MTMR9: variants seen among roughly 807,000 people sequenced by gnomAD.
MTMR9 encodes myotubularin related protein 9.
Under a neutral mutation model 69.5 loss-of-function variants are expected in MTMR9, and 39 were observed. That is an observed-to-expected ratio of 0.56 (90% confidence interval 0.43 to 0.73). The LOEUF is 0.73. Ranked by LOEUF, MTMR9 falls within the 30% of genes least tolerant of loss-of-function variation. The pLI is 0.00. For synonymous variants in MTMR9, 354 were observed against 240.8 expected, an observed-to-expected ratio of 1.47 and a Z score of -4.35; for missense variants, 900 against 671.2, an observed-to-expected ratio of 1.34 and a Z score of -3.77.
Position 11,323,031 on chromosome 8 carries a change from T to C in MTMR9, c.*243T>C, listed in dbSNP as rs1800766818. 3.1e-6 allele frequency: 1 copy of C among 322,770 alleles called. No homozygotes were observed. Among genetic ancestry groups the C allele is most frequent in the African/African-American group, 2.1e-5 (1 of 46,578 alleles). The allele number at this position is 322,770 out of a possible 1,614,324, so 20.0% of individuals were successfully genotyped here. ...CCGGAAGGAGGTGCTAGTCATTTTA[T>C]TTTTACGTGAAATAGATGACCTATT... On this transcript the variant is annotated 3_prime_UTR_variant, in exon 10 of 10. Transcript: ENST00000221086.
chr8:11,324,028 G>A lies in MTMR9; in HGVS notation c.*1240G>A, dbSNP rs929584157. ...TATTTCCCACCTACATTTCTGTTTG[G>A]TGACATTGCTCATTTTAACAAATAT... On this transcript the variant is annotated 3_prime_UTR_variant, in exon 10 of 10. Transcript: ENST00000221086. 6 of 152,106 alleles carry A rather than the reference G, an allele frequency of 3.9e-5. No homozygotes were observed. The East Asian group carries it at 9.6e-4, about 24-fold the overall frequency. 9.4% of individuals were successfully genotyped at this position (152,106 alleles called of 1,614,324 possible).
chr8:11,316,190 C>G (rs1800406319), intron 7 of MTMR9: 1 of 152,242 alleles, frequency 6.6e-6, no homozygotes, highest in Non-Finnish European at 1.5e-5. Flanking sequence ...TAGAGATTTA[C>G]TATCAGAGCT....
rs978931360 is a variant in MTMR9, at chr8:11,328,139, A to C, written c.*5351A>C. 1 of 146,366 alleles carries C rather than the reference A, an allele frequency of 6.8e-6. No homozygotes were observed. Among genetic ancestry groups the C allele is most frequent in the African/African-American group, 2.5e-5 (1 of 39,304 alleles). The allele number at this position is 146,366 out of a possible 1,614,324, so 9.1% of individuals were successfully genotyped here. On this transcript the variant is annotated 3_prime_UTR_variant, in exon 10 of 10. Coordinates refer to ENST00000221086, the MANE Select transcript of MTMR9 (RefSeq NM_015458.4). ...AATCTGAATATATTTAAGTGCTAAT[A>C]AATTAAATCTGTGGGCTTATTTGAA... is the stretch of plus-strand genomic sequence containing the variant.
At chr8:11,298,064 G>C (rs1383432841) in intron 2 of MTMR9, 1 of 381,320 alleles carries the variant, frequency 2.6e-6, no homozygotes, top group African/African-American at 2.1e-5. Flanking sequence ...TGGAAGAATA[G>C]CTGGCAAGTG....
chr8:11,328,550 T>C (rs1801050902), downstream of MTMR9, among the ~76,000 whole-genome samples: 1 of 152,208 alleles, frequency 6.6e-6, no homozygotes, highest in African/African-American at 2.4e-5. Context: ...AGCTCTTTCT[T>C]AGAGTAGAAT....
chr8:11,289,279 A>G (rs1799297334), intron 1 of MTMR9, among the ~76,000 whole-genome samples: 2 of 152,356 alleles, frequency 1.3e-5, no homozygotes, highest in Admixed American at 1.3e-4. Flanking sequence ...TGAATTGTAA[A>G]TGAGGTGAGA....
chr8:11,332,253 A>T (rs1172227488), downstream of MTMR9: 1 of 1,371,012 alleles, frequency 7.3e-7, no homozygotes, highest in East Asian at 2.5e-5. Flanking sequence ...TCTAACTTCC[A>T]TAGCACATTA....
chr8:11,337,021 C>T, the MTMR9 span, among the ~76,000 whole-genome samples: 1 of 152,162 alleles, frequency 6.6e-6, no homozygotes, highest in Admixed American at 6.6e-5. Flanking sequence ...AAATGGTAAT[C>T]TGCAGAAGGG....
downstream of MTMR9, among the ~76,000 whole-genome samples, chr8:11,328,725 G>A (rs981733540): frequency 3.3e-5 from 5 of 152,156 alleles, no homozygotes; most frequent in African/African-American, 7.2e-5. Flanking sequence ...CCACAAAATA[G>A]TTACTAGTTA....
intron 1 of MTMR9, among the ~76,000 whole-genome samples, chr8:11,286,856 T>C (rs1275539280): frequency 1.3e-5 from 2 of 152,188 alleles, no homozygotes; most frequent in Non-Finnish European, 2.9e-5. Flanking sequence ...CCTCACTATT[T>C]ACTGGTGCTG....
intron 3 of MTMR9, among the ~76,000 whole-genome samples, chr8:11,303,928 T>G (rs1482200635): frequency 6.6e-6 from 1 of 152,260 alleles, no homozygotes; most frequent in Non-Finnish European, 1.5e-5. Flanking sequence ...AAAGCATTTT[T>G]TAAAAGTAAT....
downstream of MTMR9, chr8:11,331,282 G>T (rs370522572): frequency 3.1e-6 from 5 of 1,613,968 alleles, no homozygotes; most frequent in Admixed American, 5.0e-5. Flanking sequence ...CCCCTTTCTC[G>T]TATGGCTTAC....
In MTMR9 at chr8:11,319,507, G is replaced by T. The variant is rs1800572538; in HGVS notation, c.1335-180G>T. The T allele has an allele frequency of 4.8e-6, 3 of 622,190 alleles. No homozygotes were observed. The East Asian group carries it at 8.5e-5, about 18-fold the overall frequency. The allele number at this position is 622,190 out of a possible 1,614,324, so 38.5% of individuals were successfully genotyped here. ...ACTCTTTGTTTTGTTGTTGTTGAGA[G>T]TTCTAATGCCGATTGAGCTTTTTGA... On this transcript the variant is annotated intron_variant, in intron 8 of 9. Coordinates refer to ENST00000221086, the MANE Select transcript of MTMR9 (RefSeq NM_015458.4).
chr8:11,308,166 C>T (rs539098168), intron 5 of MTMR9, among the ~76,000 whole-genome samples: 9 of 152,252 alleles, frequency 5.9e-5, no homozygotes, highest in Non-Finnish European at 1.2e-4. Flanking sequence ...ATGATTTTTA[C>T]AGTTTCAGGC....
chr8:11,302,570 T>A (rs1799788637), intron 3 of MTMR9, among the ~76,000 whole-genome samples: 1 of 152,096 alleles, frequency 6.6e-6, no homozygotes, highest in South Asian at 2.1e-4. Context: ...TAGAGTTGGA[T>A]TTGAAGGAAA....
chr8:11,332,002 A>G, downstream of MTMR9: 1 of 1,611,812 alleles, frequency 6.2e-7, no homozygotes, highest in Non-Finnish European at 8.5e-7. Flanking sequence ...CTGCAGTATT[A>G]TATGCTCCAT....
intron 6 of MTMR9, among the ~76,000 whole-genome samples, chr8:11,311,881 CTTT>C (rs35158873): frequency 6.9e-6 from 1 of 144,892 alleles, no homozygotes; most frequent in Non-Finnish European, 1.5e-5. Flanking sequence ...TATTCTAAAT[CTTT>C]TTTTTTTTTT....
intron 2 of MTMR9, among the ~76,000 whole-genome samples, chr8:11,299,252 C>T (rs1799665390): frequency 1.3e-5 from 2 of 152,154 alleles, no homozygotes; most frequent in Non-Finnish European, 2.9e-5. Context: ...ATCACTTGAA[C>T]CCGGGAGGCG....
In MTMR9 at chr8:11,327,200, G is replaced by C. The variant is rs1249934339; in HGVS notation, c.*4412G>C. On this transcript the variant is annotated 3_prime_UTR_variant, in exon 10 of 10. Coordinates refer to ENST00000221086, the MANE Select transcript of MTMR9 (RefSeq NM_015458.4). ...TCTAGGACTGGATATTAAAATGCCT[G>C]AACCTGTTATCTAAATCCTTTTTAA... is the stretch of plus-strand genomic sequence containing the variant. The C allele has an allele frequency of 1.3e-5, 2 of 152,132 alleles. No homozygotes were observed. The highest frequency in any genetic ancestry group is 4.8e-5 in the African/African-American group (2 of 41,418). 9.4% of individuals were successfully genotyped at this position (152,132 alleles called of 1,614,324 possible).
Sources: gnomAD v4.1 joint callset for allele counts (sites outside exome capture counted in the v4.1 genomes callset) on GRCh38, gnomAD v4.1.1 for gene constraint, MANE v1.5 for transcripts, NCBI Gene and HGNC (gene_info 2026-07-23, HGNC 2026-07-21) for gene names.